The following CNTN5 variants were observed in gnomAD, a reference collection of about 807,000 sequenced individuals.
CNTN5 encodes contactin-5.
In CNTN5, 77 loss-of-function variants were observed where a neutral mutation model predicts 129.1. That is an observed-to-expected ratio of 0.60 (90% CI 0.50 to 0.72). The LOEUF (loss-of-function observed/expected upper bound fraction) is 0.72, where lower values mean the gene tolerates loss of function less well. Among genes scored for constraint, CNTN5 ranks in the 30% least tolerant of loss-of-function variants. The pLI, the probability that CNTN5 is intolerant of heterozygous loss-of-function variation, is 0.00. For missense variants in CNTN5, 1,478 were observed against 1,328.8 expected, an observed-to-expected ratio of 1.11 and a Z score of -1.75; for synonymous variants, 509 against 465.6, an observed-to-expected ratio of 1.09 and a Z score of -1.20.
chr11:99,157,255 T>A (rs1860381847), intron 1 of CNTN5, among the ~76,000 whole-genome samples: 1 of 152,018 alleles, frequency 6.6e-6, no homozygotes, highest in Non-Finnish European at 1.5e-5. Flanking sequence ...GTATTTTGAT[T>A]TTTAATAGCC....
intron 18 of CNTN5, among the ~76,000 whole-genome samples, chr11:100,292,280 T>C (rs1159157742): frequency 1.3e-5 from 2 of 152,036 alleles, no homozygotes; most frequent in Non-Finnish European, 2.9e-5. Context: ...TTTATCCACA[T>C]ACTGCTGCTT....
At chr11:99,780,681 T>C (rs369848285) in intron 3 of CNTN5, among the ~76,000 whole-genome samples, 3 of 152,108 alleles carry the variant, frequency 2.0e-5, no homozygotes, top group South Asian at 4.1e-4. Flanking sequence ...TGTTTACTTT[T>C]GTTATAAAAA....
intron 21 of CNTN5, among the ~76,000 whole-genome samples, chr11:100,312,428 T>G (rs1951488866): frequency 6.6e-6 from 1 of 152,068 alleles, no homozygotes. Flanking sequence ...TGGAACTTAC[T>G]GCTCTCCTCT....
At chr11:100,221,083 T>G (rs1356018971) in intron 15 of CNTN5, among the ~76,000 whole-genome samples, 1 of 152,082 alleles carries the variant, frequency 6.6e-6, no homozygotes, top group Admixed American at 6.6e-5. Context: ...AAAGTGACAT[T>G]GGAGCATAAA....
At chr11:99,296,073 T>C (rs1410694346) in intron 1 of CNTN5, among the ~76,000 whole-genome samples, 2 of 152,122 alleles carry the variant, frequency 1.3e-5, no homozygotes, top group Non-Finnish European at 2.9e-5. Context: ...AGGCCCCCTT[T>C]TAATTTCTAT....
intron 13 of CNTN5, among the ~76,000 whole-genome samples, chr11:100,172,660 G>A (rs1947858700): frequency 6.6e-6 from 1 of 151,774 alleles, no homozygotes. Context: ...GTGAAGGAAG[G>A]CTATTTGCAA....
intron 13 of CNTN5, among the ~76,000 whole-genome samples, chr11:100,169,465 C>A (rs1159988891): frequency 1.3e-5 from 2 of 151,940 alleles, no homozygotes; most frequent in Non-Finnish European, 2.9e-5. Context: ...ACAGCCATCA[C>A]CCTGATAAGT....
intron 1 of CNTN5, among the ~76,000 whole-genome samples, chr11:99,022,157 A>T (rs911941192): frequency 6.6e-6 from 1 of 152,190 alleles, no homozygotes. Context: ...TTGTTTCTTA[A>T]TTTAAAAGAG....
chr11:100,092,751 T>G (rs1333737416), intron 13 of CNTN5, among the ~76,000 whole-genome samples: 1 of 151,992 alleles, frequency 6.6e-6, no homozygotes, highest in Non-Finnish European at 1.5e-5. Context: ...TATGTGATTG[T>G]CCTCTTTGCG....
At chr11:99,899,609 T>C (rs946472500) in intron 6 of CNTN5, among the ~76,000 whole-genome samples, 4 of 152,006 alleles carry the variant, frequency 2.6e-5, no homozygotes, top group Admixed American at 2.0e-4. Context: ...TTATGATGTA[T>C]TGTTGGATTC....
rs538320159 is a variant in CNTN5 at position 99,043,124 on chromosome 11, A to C, written c.-210+21854A>C. Among the ~76,000 whole-genome samples, 487 of 152,374 alleles carry C rather than the reference A, an allele frequency of 3.2e-3. 3 individuals carry two copies. Among genetic ancestry groups the C allele is most frequent in the African/African-American group, 0.011 (468 of 41,586 alleles). ...AGGAAGAAAATATGTTTTTTAAACA[A>C]CATTCGCAAAGCTCATTTTTTAGAA... On this transcript the variant is annotated intron_variant, in intron 1 of 24. Coordinates refer to ENST00000524871, the MANE Select transcript of CNTN5 (RefSeq NM_014361.4).
chr11:99,217,368 A>AC (rs898745443), intron 1 of CNTN5, among the ~76,000 whole-genome samples: 45 of 152,240 alleles, frequency 3.0e-4, no homozygotes, highest in African/African-American at 1.1e-3. Context: ...GCTGATCAAA[A>AC]CAATAATGAG....
intron 2 of CNTN5, among the ~76,000 whole-genome samples, chr11:99,434,069 A>G (rs1465049185): frequency 6.6e-6 from 1 of 152,166 alleles, no homozygotes; most frequent in Non-Finnish European, 1.5e-5. Flanking sequence ...TACAATGAAG[A>G]TCACAGTTCC....
At chr11:99,897,358 A>C (rs535267005) in intron 6 of CNTN5, among the ~76,000 whole-genome samples, 1 of 152,304 alleles carries the variant, frequency 6.6e-6, no homozygotes, top group East Asian at 1.9e-4. Context: ...TAGACTATCC[A>C]AGGTTGGTGC....
chr11:99,712,602 A>C (rs752235782), intron 3 of CNTN5, among the ~76,000 whole-genome samples: 3 of 151,914 alleles, frequency 2.0e-5, no homozygotes, highest in African/African-American at 7.3e-5. Context: ...TAGGGTTTTT[A>C]TGGTTTTAGG....
intron 1 of CNTN5, among the ~76,000 whole-genome samples, chr11:99,279,356 C>T (rs1863590384): frequency 6.6e-6 from 1 of 151,800 alleles, no homozygotes; most frequent in South Asian, 2.1e-4. Context: ...ATATTTCACT[C>T]TTATCCACCA....
chr11:99,220,496 CT>C (rs1218771087), intron 1 of CNTN5, among the ~76,000 whole-genome samples: 2 of 151,682 alleles, frequency 1.3e-5, no homozygotes, highest in Non-Finnish European at 2.9e-5. Flanking sequence ...TACTCCTTGC[CT>C]GAAATATACT....
chr11:99,179,114 C>T lies in CNTN5; in HGVS notation c.-209-146232C>T, dbSNP rs1260760250. On this transcript the variant is annotated intron_variant, in intron 1 of 24. Transcript: ENST00000524871. ...TAATAAACAGTAATTGTATTCATTA[C>T]ACTTACTGAAATATAAATTGAAATT... Among the ~76,000 whole-genome samples, 3 of 152,082 alleles carry T rather than the reference C, an allele frequency of 2.0e-5. No individual in the cohort carries two copies. The East Asian group carries it at 5.8e-4, about 29-fold the overall frequency.
chr11:99,980,380 AT>A (rs1414110949), intron 8 of CNTN5, among the ~76,000 whole-genome samples: 2 of 152,216 alleles, frequency 1.3e-5, no homozygotes, highest in Non-Finnish European at 2.9e-5. Context: ...TTGAGCTGAG[AT>A]AGGACAATTT....
Sources: gnomAD v4.1 joint callset for allele counts (sites outside exome capture counted in the v4.1 genomes callset) on GRCh38, gnomAD v4.1.1 for gene constraint, MANE v1.5 for transcripts, NCBI Gene and HGNC (gene_info 2026-07-23, HGNC 2026-07-21) for gene names.